Variants in VILL observed in about 807,000 individuals in gnomAD.
VILL encodes the protein villin like, also known as villin-like protein.
A neutral mutation model predicts 106.3 loss-of-function variants in VILL; 102 were observed. The ratio of observed to expected loss-of-function variants is 0.96; its 90% confidence interval spans 0.82 to 1.13. The LOEUF (loss-of-function observed/expected upper bound fraction) is 1.13. Among genes scored for constraint, VILL ranks in the 50% most tolerant of loss-of-function variants. The probability of loss-of-function intolerance (pLI) is 0.00; values close to 1 mark genes in which losing one functional copy is unlikely to be tolerated. For missense variants in VILL, 1,076 were observed against 1,116.6 expected, an observed-to-expected ratio of 0.96 and a Z score of 0.52; for synonymous variants, 431 against 440.3, an observed-to-expected ratio of 0.98 and a Z score of 0.27.
intron 1 of VILL, among the ~76,000 whole-genome samples, chr3:37,992,180 C>T (rs1001646324): frequency 6.6e-6 from 1 of 152,186 alleles, no homozygotes; most frequent in African/African-American, 2.4e-5. Context: ...CCATGAGCTA[C>T]AGCTCACAGT....
At chr3:38,001,350 T>G (rs1699811952) in intron 11 of VILL, 106 bp from the exon 12 acceptor site, 4 of 1,526,892 alleles carry the variant, frequency 2.6e-6, no homozygotes, top group Non-Finnish European at 3.5e-6. Context: ...CCTGCGTGGA[T>G]GAGGAAGGCC....
upstream of VILL, among the ~76,000 whole-genome samples, chr3:37,988,435 G>A (rs900515995): frequency 2.0e-5 from 3 of 152,170 alleles, no homozygotes; most frequent in Non-Finnish European, 4.4e-5. Flanking sequence ...AGGGGCTGGG[G>A]GCAATGGGGA....
At position 37,998,393 on chromosome 3, in the gene VILL, A is replaced by G; in HGVS notation, c.942+29A>G. 4.4e-6 allele frequency: 7 copies of G among 1,606,944 alleles called. No homozygotes were observed. Among genetic ancestry groups the G allele is most frequent in the Non-Finnish European group, 6.0e-6 (7 of 1,173,730 alleles). On this transcript the variant is annotated intron_variant, in intron 9 of 19. Transcript: ENST00000383759. This position sits in a 1 kb window ranked among gnomAD's most constrained non-coding sequence, Gnocchi z 4.1. ...AGCCCTGGGGCTCTGTCTGAGAGGA[A>G]CAGAGCACTGCCCTGGGGTCTGAGT...
chr3:37,988,699 C>T (rs369108238), upstream of VILL, among the ~76,000 whole-genome samples: 2 of 152,108 alleles, frequency 1.3e-5, no homozygotes, highest in East Asian at 1.9e-4. Context: ...CCCGTCTCTA[C>T]CAAAAATACA....
chr3:38,002,237 C>T, intron 13 of VILL, 159 bp from the exon 14 acceptor site: 1 of 685,094 alleles, frequency 1.5e-6, no homozygotes, highest in African/African-American at 1.8e-5. Flanking sequence ...TCCTGCACTC[C>T]ACACTTAGAG....
intron 5 of VILL, among the ~76,000 whole-genome samples, chr3:37,996,050 C>T (rs548842953): frequency 1.2e-4 from 18 of 152,270 alleles, no homozygotes; most frequent in Middle Eastern, 6.8e-3. Context: ...TTTGTTTATG[C>T]GTCTATCTCA....
intron 15 of VILL, 132 bp from the exon 16 acceptor site, chr3:38,004,123 A>C: frequency 7.8e-7 from 1 of 1,279,326 alleles, no homozygotes; most frequent in East Asian, 2.5e-5. Flanking sequence ...GGGAGAAACC[A>C]CGGGGCTCAG....
chr3:38,006,580 C>T lies in VILL; in HGVS notation c.2337C>T (p.Ser779=), dbSNP rs1699931561. ...TGCGAAGCCCCAAGTCGGCTGGCAG[C>T]AGAACCAGCAGCTCCGTCAGCAGCA... ...DLVRSPKSAG[S]RTSSSVSSTS... The change falls in exon 19 of 20, where the codon AGC becomes AGT. Residue 779 remains serine (S), a synonymous_variant. Coordinates refer to ENST00000383759, the MANE Select transcript of VILL (RefSeq NM_015873.4). The T allele has an allele frequency of 6.2e-7, 1 of 1,614,028 alleles. No individual in the cohort carries two copies. The highest frequency in any genetic ancestry group is 1.3e-5 in the African/African-American group (1 of 74,960).
chr3:37,997,698 G>T lies in VILL; in HGVS notation c.764+13G>T, dbSNP rs1699730608. On this transcript the variant is annotated intron_variant, in intron 7 of 19. Transcript: ENST00000383759. This position sits in a 1 kb window ranked among gnomAD's most constrained non-coding sequence, Gnocchi z 4.7. Reference sequence around the variant, plus strand: ...TTCGCCTGTACCAGTGAGTACCCCTGGGGTGGGCAGGGGTGGGTGGGACAG... The same window carrying T: ...TTCGCCTGTACCAGTGAGTACCCCTTGGGTGGGCAGGGGTGGGTGGGACAG... 6.5e-7 allele frequency: 1 copy of T among 1,536,916 alleles called. No individual in the cohort carries two copies. The highest frequency in any genetic ancestry group is 1.4e-5 in the African/African-American group (1 of 72,556).
chr3:38,006,292 G>A (rs779485548), intron 18 of VILL, 40 bp downstream of exon 18: 1 of 1,613,860 alleles, frequency 6.2e-7, no homozygotes, highest in Non-Finnish European at 8.5e-7. Flanking sequence ...CAGTGGCCTG[G>A]GCTCCGACAG....
intron 14 of VILL, 64 bp downstream of exon 14, chr3:38,002,639 C>T: frequency 6.4e-7 from 1 of 1,556,688 alleles, no homozygotes; most frequent in Non-Finnish European, 8.7e-7. Flanking sequence ...GGGGGTGGGT[C>T]CTCTCCACAG....
chr3:37,994,237 T>C, intron 3 of VILL, 24 bp from the exon 4 acceptor site: 8 of 1,589,254 alleles, frequency 5.0e-6, no homozygotes, highest in Non-Finnish European at 6.8e-6. Flanking sequence ...CCGCAACACA[T>C]ATACACAAAC....
intron 3 of VILL, 104 bp downstream of exon 3, chr3:37,994,076 G>T (rs1225365427): frequency 6.6e-7 from 1 of 1,506,350 alleles, no homozygotes; most frequent in Non-Finnish European, 9.2e-7. Context: ...CAAGTTGAGA[G>T]CCGGAGAATC....
chr3:37,992,783 C>T (rs1179263038), intron 1 of VILL, among the ~76,000 whole-genome samples: 1 of 152,226 alleles, frequency 6.6e-6, no homozygotes, highest in Non-Finnish European at 1.5e-5. Flanking sequence ...GGTGTTGCCA[C>T]AGTGTACTGT....
chr3:37,995,758 G>C lies in VILL; in HGVS notation c.361G>C (p.Ala121Pro). ...CCTCAGCTACAGGAAGGGAGGCCTA[G>C]CATCTGACCTCAAGCATGTGGAGAC... is the stretch of plus-strand genomic sequence containing the variant. Reference protein sequence around the residue: ...PGIIYRKGGLASDLKHVETNL... With the variant: ...PGIIYRKGGLPSDLKHVETNL... The change falls in exon 5 of 20, where the codon GCA becomes CCA. Residue 121 changes from alanine to proline, a missense_variant. Transcript: ENST00000383759. The C allele has an allele frequency of 6.2e-7, 1 of 1,613,842 alleles. No individual in the cohort carries two copies. The highest frequency in any genetic ancestry group is 8.5e-7 in the Non-Finnish European group (1 of 1,179,792).
intron 1 of VILL, among the ~76,000 whole-genome samples, chr3:37,992,404 A>G (rs574441351): frequency 2.2e-4 from 33 of 152,334 alleles, no homozygotes; most frequent in Non-Finnish European, 4.3e-4. Flanking sequence ...CCAACAGGCC[A>G]TCAACTGTGG....
chr3:37,995,898 T>TCGACTCA lies in VILL; in HGVS notation c.450+51_450+52insCGACTCA. ...ACCTCTGAACTCGGCTCAGACTGGG[T>TCGACTCA]GTACTGAGGTATAAGGAGGTTGGAA... On this transcript the variant is annotated intron_variant, in intron 5 of 19. Transcript: ENST00000383759. The TCGACTCA allele has an allele frequency of 1.3e-6, 2 of 1,484,584 alleles. 1 individual carries two copies. The highest frequency in any genetic ancestry group is 1.9e-6 in the Non-Finnish European group (2 of 1,065,940). 92.0% of individuals were successfully genotyped at this position (1,484,584 alleles called of 1,614,324 possible).
intron 11 of VILL, chr3:38,001,016 C>T (rs776304096): frequency 2.2e-5 from 10 of 461,466 alleles, no homozygotes; most frequent in Non-Finnish European, 4.3e-5. Flanking sequence ...ACAGTGTTTC[C>T]CCTTCAGTCT....
At position 38,001,812 on chromosome 3, in the gene VILL, GC is replaced by G. The variant is rs753585188; in HGVS notation, c.1438del (p.His480ThrfsTer11). ...AGGAGCATGTGACCATGGGCAGCGA[GC>G]CCCCCCACTTCCTCGCCATCTTCCA... ...VQEHVTMGSE[P>X]PHFLAIFQGQ... On this transcript the variant is annotated frameshift_variant, in exon 13 of 20. Coordinates refer to ENST00000383759, the MANE Select transcript of VILL (RefSeq NM_015873.4). LOFTEE classifies it high-confidence loss of function. 7 of 1,614,034 alleles carry G rather than the reference GC, an allele frequency of 4.3e-6. No homozygotes were observed. The highest frequency in any genetic ancestry group is 5.9e-6 in the Non-Finnish European group (7 of 1,180,038).
Sources: gnomAD v4.1 joint callset for allele counts (sites outside exome capture counted in the v4.1 genomes callset) on GRCh38, gnomAD v4.1.1 for gene constraint, Gnocchi (gnomAD v3.1) non-coding constraint, MANE v1.5 for transcripts, NCBI Gene and HGNC (gene_info 2026-07-23, HGNC 2026-07-21) for gene names.